The following METTL22 variants were observed in gnomAD, a reference collection of about 807,000 sequenced individuals.
The protein encoded by METTL22 is methyltransferase 22, Kin17 lysine, also known as methyltransferase-like protein 22.
METTL22 carries 51 observed loss-of-function variants against 48.4 expected under a neutral mutation model. The observed-to-expected ratio is 1.05, with a 90% CI of 0.84 to 1.33. The LOEUF (loss-of-function observed/expected upper bound fraction) is 1.33. Among genes scored for constraint, METTL22 ranks in the 40% most tolerant of loss-of-function variants. METTL22 has a pLI of 0.00. For synonymous variants in METTL22, 255 were observed against 214.1 expected (o/e 1.19, Z -1.67); for missense variants, 678 against 526.9 (o/e 1.29, Z -2.81).
chr16:8,638,955 C>T lies in METTL22; in HGVS notation c.701-136C>T. On this transcript the variant is annotated intron_variant, in intron 5 of 10. Coordinates refer to ENST00000381920, the MANE Select transcript of METTL22 (RefSeq NM_024109.4). ...TTAAGGTGAGGGTATTTAATTTTGGCAGTAAGACACATAGGAGAAACGTTT... is the reference window on the plus strand; with the variant it reads ...TTAAGGTGAGGGTATTTAATTTTGGTAGTAAGACACATAGGAGAAACGTTT... 5 of 789,988 alleles carry T rather than the reference C, an allele frequency of 6.3e-6. No individual in the cohort carries two copies. In the South Asian group the frequency reaches 7.9e-5, roughly 12 times the overall value. The allele number at this position is 789,988 out of a possible 1,614,324, so 48.9% of individuals were successfully genotyped here.
the METTL22 span, chr16:8,666,724 T>A: frequency 2.0e-5 from 3 of 152,248 alleles, no homozygotes; most frequent in Admixed American, 2.0e-4. Flanking sequence ...CTCCAGAGTT[T>A]GAGGATATAA....
Position 8,639,124 on chromosome 16 carries a change from G to A in METTL22, c.734G>A (p.Arg245Gln), listed in dbSNP as rs202207266. 119 of 1,613,866 alleles carry A rather than the reference G, an allele frequency of 7.4e-5. No homozygotes were observed. The highest frequency in any genetic ancestry group is 1.2e-4 in the South Asian group (11 of 91,074). ...VGADLLSMCQ[R>Q]NIALNSHLAA... ...GCAGATCTCTTGTCCATGTGCCAGC[G>A]AAACATTGCCCTCAACAGCCACCTG... Residue 245 changes from arginine to glutamine, a missense_variant, in exon 6 of 11, where the codon CGA (arginine) becomes CAA (glutamine). Arg to Gln is a conservative substitution (Grantham distance 43, BLOSUM62 1). Coordinates refer to ENST00000381920, the MANE Select transcript of METTL22 (RefSeq NM_024109.4).
At chr16:8,643,946 A>G (rs889828212) in intron 9 of METTL22, among the ~76,000 whole-genome samples, 1 of 152,096 alleles carries the variant, frequency 6.6e-6, no homozygotes, top group Non-Finnish European at 1.5e-5. Context: ...CATGTCTGGA[A>G]TTTTTCTTGA....
At chr16:8,657,304 G>T in the METTL22 span, among the ~76,000 whole-genome samples, 1 of 152,266 alleles carries the variant, frequency 6.6e-6, no homozygotes, top group Admixed American at 6.5e-5. Context: ...TTGAAAACCA[G>T]GGACATGAAG....
At chr16:8,639,000 G>C in intron 5 of METTL22, 91 bp from the exon 6 acceptor site, 1 of 1,249,306 alleles carries the variant, frequency 8.0e-7, no homozygotes, top group Non-Finnish European at 1.2e-6. Flanking sequence ...CTGCAGTTGT[G>C]CTGTTGATCA....
In METTL22 at chr16:8,628,971, G is replaced by A; in HGVS notation, c.375G>A (p.Val125=). 6.2e-7 allele frequency: 1 copy of A among 1,614,094 alleles called. No homozygotes were observed. Among genetic ancestry groups the A allele is most frequent in the Admixed American group, 1.7e-5 (1 of 60,018 alleles). ...ATGAGGATGGGGATTTGGACGTGGTGAGAAGACCACGAGCCGCCTCTGATT... is the reference window on the plus strand; with the variant it reads ...ATGAGGATGGGGATTTGGACGTGGTAAGAAGACCACGAGCCGCCTCTGATT... ...QLDEDGDLDV[V]RRPRAASDSN... Residue 125 remains valine (V), a synonymous_variant, in exon 3 of 11, where the codon GTG becomes GTA. Transcript: ENST00000381920.
chr16:8,635,055 G>A lies in METTL22; in HGVS notation c.531G>A (p.Thr177=), dbSNP rs369438135. 5.6e-6 allele frequency: 9 copies of A among 1,613,588 alleles called. No individual in the cohort carries two copies. Among genetic ancestry groups the A allele is most frequent in the South Asian group, 3.3e-5 (3 of 91,056 alleles). ...DIIRIEHTMA[T]PLEDVGKQVW... ...CCCATCCAGAGCACACCATGGCCAC[G>A]CCCCTGGAGGATGTTGGCAAGCAGG... Residue 177 remains threonine (T), a synonymous_variant, in exon 4 of 11, where the codon ACG becomes ACA. Coordinates refer to ENST00000381920, the MANE Select transcript of METTL22 (RefSeq NM_024109.4).
At chr16:8,633,490 C>T (rs1340609648) in intron 3 of METTL22, among the ~76,000 whole-genome samples, 1 of 152,180 alleles carries the variant, frequency 6.6e-6, no homozygotes, top group Non-Finnish European at 1.5e-5. Context: ...CCTGTAGCCC[C>T]AGCTACTCGA....
downstream of METTL22, among the ~76,000 whole-genome samples, chr16:8,651,047 G>GAAAA (rs371208855): frequency 2.0e-5 from 3 of 151,866 alleles, no homozygotes; most frequent in African/African-American, 2.4e-5. Context: ...AAATAAATGG[G>GAAAA]AAAAAAAGAG....
chr16:8,645,425 C>T (rs1215360370), intron 10 of METTL22, among the ~76,000 whole-genome samples: 2 of 152,132 alleles, frequency 1.3e-5, no homozygotes, highest in Non-Finnish European at 2.9e-5. Flanking sequence ...AGTAGCGTCA[C>T]ATGACCAAGA....
Position 8,635,071 on chromosome 16 carries a change from G to A in METTL22, c.547G>A (p.Gly183Ser), listed in dbSNP as rs781179931. 6.2e-7 allele frequency: 1 copy of A among 1,613,904 alleles called. No individual in the cohort carries two copies. The highest frequency in any genetic ancestry group is 8.5e-7 in the Non-Finnish European group (1 of 1,180,042). The change falls in exon 4 of 11, where the codon GGC becomes AGC. Residue 183 changes from glycine to serine, a missense_variant. By Grantham distance (56) the Gly-to-Ser change is moderately conservative. Transcript: ENST00000381920. ...HTMATPLEDV[G>S]KQVWRGALLL... Reference sequence around the variant, plus strand: ...CATGGCCACGCCCCTGGAGGATGTTGGCAAGCAGGTGGGTAGGTCTTGTCC... The same window carrying A: ...CATGGCCACGCCCCTGGAGGATGTTAGCAAGCAGGTGGGTAGGTCTTGTCC...
intron 3 of METTL22, among the ~76,000 whole-genome samples, chr16:8,629,472 C>T (rs1026698679): frequency 6.6e-6 from 1 of 152,202 alleles, no homozygotes; most frequent in Non-Finnish European, 1.5e-5. Context: ...TCTAACTCAG[C>T]GTGTTGGGGG....
At chr16:8,654,053 T>C (rs545531031), downstream of METTL22, among the ~76,000 whole-genome samples, 15 of 152,180 alleles carry the variant, frequency 9.9e-5, 1 homozygote, top group South Asian at 3.1e-3. Context: ...TCAAGCAAAA[T>C]GGGAGATCTC....
intron 3 of METTL22, among the ~76,000 whole-genome samples, chr16:8,632,431 C>G (rs2056295262): frequency 6.6e-6 from 1 of 152,192 alleles, no homozygotes; most frequent in African/African-American, 2.4e-5. Context: ...GTCTCAAACT[C>G]CTGGCTTCAG....
chr16:8,628,655 T>C (rs778915683), intron 2 of METTL22, 75 bp from the exon 3 acceptor site: 25 of 1,517,384 alleles, frequency 1.6e-5, no homozygotes, highest in Non-Finnish European at 2.2e-5. Context: ...TAATCAGATA[T>C]TCTCAAAGAA....
Position 8,646,266 on chromosome 16 carries a change from C to G in METTL22, c.*123C>G. On this transcript the variant is annotated 3_prime_UTR_variant, in exon 11 of 11. Coordinates refer to ENST00000381920, the MANE Select transcript of METTL22 (RefSeq NM_024109.4). ...ATTTTAAAAATATGGTTACACGTAC[C>G]TTAGATGACCCAAGATGGTTTTCTG... is the stretch of plus-strand genomic sequence containing the variant. 1 of 1,232,606 alleles carries G rather than the reference C, an allele frequency of 8.1e-7. No homozygotes were observed. Among genetic ancestry groups the G allele is most frequent in the African/African-American group, 1.5e-5 (1 of 67,300 alleles). The allele number at this position is 1,232,606 out of a possible 1,614,324, so 76.4% of individuals were successfully genotyped here.
chr16:8,629,167 G>A, intron 3 of METTL22, 57 bp downstream of exon 3: 2 of 1,567,448 alleles, frequency 1.3e-6, no homozygotes, highest in Admixed American at 3.4e-5. Context: ...CAGTGTCACT[G>A]CTCAGGGCTC....
chr16:8,625,000 T>C (rs1325111094), intron 1 of METTL22, among the ~76,000 whole-genome samples: 1 of 151,666 alleles, frequency 6.6e-6, no homozygotes, highest in Admixed American at 6.6e-5. Flanking sequence ...AAAGTGCAGA[T>C]TGTGATTGGA....
At chr16:8,643,262 A>G (rs1450503380) in intron 9 of METTL22, among the ~76,000 whole-genome samples, 1 of 152,232 alleles carries the variant, frequency 6.6e-6, no homozygotes, top group Non-Finnish European at 1.5e-5. Context: ...TGTTACTTAT[A>G]CCAATAATAC....
Sources: gnomAD v4.1 joint callset for allele counts (sites outside exome capture counted in the v4.1 genomes callset) on GRCh38, gnomAD v4.1.1 for gene constraint, MANE v1.5 for transcripts, NCBI Gene and HGNC (gene_info 2026-07-23, HGNC 2026-07-21) for gene names.